PPP2R2C: variants seen among roughly 807,000 people sequenced by gnomAD.
PPP2R2C encodes protein phosphatase 2, regulatory subunit B, gamma.
A neutral mutation model predicts 45.3 loss-of-function variants in PPP2R2C; 10 were observed. That is an observed-to-expected ratio of 0.22 (90% CI 0.14 to 0.37). The LOEUF (loss-of-function observed/expected upper bound fraction) is 0.37. Among genes scored for constraint, PPP2R2C ranks in the 10% least tolerant of loss-of-function variants. The pLI, the probability that PPP2R2C is intolerant of heterozygous loss-of-function variation, is 1.00. For missense variants in PPP2R2C, 308 were observed against 619.7 expected (o/e 0.50, Z 5.34); for synonymous variants, 257 against 245.4 (o/e 1.05, Z -0.44).
intron 1 of PPP2R2C, among the ~76,000 whole-genome samples, chr4:6,458,864 G>T: frequency 6.6e-6 from 1 of 152,104 alleles, no homozygotes; most frequent in East Asian, 1.9e-4. Context: ...TGCTGGGGCT[G>T]GTTTCCCATG....
intron 6 of PPP2R2C, among the ~76,000 whole-genome samples, chr4:6,334,603 G>A (rs528412195): frequency 5.3e-5 from 8 of 152,144 alleles, no homozygotes; most frequent in Non-Finnish European, 1.5e-5. Context: ...GTAGCGTGGG[G>A]ACTAGGACCC....
intron 1 of PPP2R2C, among the ~76,000 whole-genome samples, chr4:6,557,362 T>C (rs559526846): frequency 6.6e-6 from 1 of 151,374 alleles, no homozygotes; most frequent in Non-Finnish European, 1.5e-5. Flanking sequence ...AGTCAGGAGA[T>C]GCTGGGTGCA....
intron 1 of PPP2R2C, among the ~76,000 whole-genome samples, chr4:6,402,872 G>C (rs928564240): frequency 1.3e-5 from 2 of 152,252 alleles, no homozygotes; most frequent in African/African-American, 4.8e-5. Context: ...TGGTGGCAGA[G>C]AGGAGGGAGG....
intron 2 of PPP2R2C, among the ~76,000 whole-genome samples, chr4:6,511,513 GT>G (rs1723484236): frequency 3.6e-5 from 1 of 27,998 alleles, no homozygotes; most frequent in Admixed American, 4.1e-4. Context: ...GATGGTGGTG[GT>G]GGTGGTGGTG....
intron 6 of PPP2R2C, among the ~76,000 whole-genome samples, chr4:6,336,825 TTCCCTCCCTCCCTCCCTGCTTCCA>T (rs1310217470): frequency 4.6e-4 from 1 of 2,166 alleles, no homozygotes; most frequent in Non-Finnish European, 7.5e-4. Context: ...CCCTCCCTCC[TTCCCTCCCTCCCTCCCTGCTTCCA>T]TCCCTCCCTC....
chr4:6,401,028 C>T (rs1033483694), intron 1 of PPP2R2C, among the ~76,000 whole-genome samples: 16 of 152,156 alleles, frequency 1.1e-4, no homozygotes, highest in African/African-American at 3.9e-4. Context: ...CGTGGCAGGA[C>T]ATGGAAACTG....
intron 4 of PPP2R2C, among the ~76,000 whole-genome samples, chr4:6,374,251 C>T (rs753174922): frequency 3.3e-5 from 5 of 152,160 alleles, no homozygotes; most frequent in Admixed American, 2.0e-4. Flanking sequence ...CTTCCGGCAA[C>T]ATTGCTTTCT....
At chr4:6,338,442 C>G (rs1005701138) in intron 6 of PPP2R2C, among the ~76,000 whole-genome samples, 3 of 152,200 alleles carry the variant, frequency 2.0e-5, no homozygotes, top group Non-Finnish European at 2.9e-5. Flanking sequence ...ACCTGGGGAG[C>G]CCAACCAAGG....
At chr4:6,466,634 C>T (rs1721609328) in intron 1 of PPP2R2C, among the ~76,000 whole-genome samples, 1 of 152,186 alleles carries the variant, frequency 6.6e-6, no homozygotes. Context: ...TACTCCCCAT[C>T]ACACTCTCCA....
chr4:6,397,419 G>A (rs916113096), intron 1 of PPP2R2C, among the ~76,000 whole-genome samples: 1 of 152,250 alleles, frequency 6.6e-6, no homozygotes, highest in African/African-American at 2.4e-5. Flanking sequence ...TGCTCCCTGC[G>A]CTGCGGGGGT....
intron 6 of PPP2R2C, among the ~76,000 whole-genome samples, chr4:6,340,443 A>G (rs1733356584): frequency 6.6e-6 from 1 of 151,860 alleles, no homozygotes; most frequent in Non-Finnish European, 1.5e-5. Context: ...CTACTTATTT[A>G]CTAGTCCCCT....
At chr4:6,464,798 A>T (rs1219628790) in intron 1 of PPP2R2C, among the ~76,000 whole-genome samples, 1 of 151,778 alleles carries the variant, frequency 6.6e-6, no homozygotes, top group Non-Finnish European at 1.5e-5. Context: ...GTTAAGGGGG[A>T]ACGATGGGAG....
intron 2 of PPP2R2C, among the ~76,000 whole-genome samples, chr4:6,505,279 C>T (rs1723186809): frequency 6.6e-6 from 1 of 152,156 alleles, no homozygotes; most frequent in African/African-American, 2.4e-5. Flanking sequence ...ATTGCCAGCA[C>T]ACTTGCACTA....
At chr4:6,352,344 G>A (rs1047543198) in intron 5 of PPP2R2C, among the ~76,000 whole-genome samples, 2 of 152,142 alleles carry the variant, frequency 1.3e-5, no homozygotes, top group African/African-American at 4.8e-5. Flanking sequence ...TTCCTTTCCA[G>A]GACTAACCGC....
chr4:6,529,799 T>C (rs1724336254), intron 2 of PPP2R2C, among the ~76,000 whole-genome samples: 1 of 152,152 alleles, frequency 6.6e-6, no homozygotes, highest in Non-Finnish European at 1.5e-5. Context: ...AATAAATGTA[T>C]GTGAAATGAA....
intron 1 of PPP2R2C, chr4:6,384,686 G>A: frequency 2.0e-6 from 2 of 985,416 alleles, no homozygotes; most frequent in Non-Finnish European, 2.4e-6. Context: ...TGGTTACCAG[G>A]CAACACACAC....
At chr4:6,341,450 TC>T (rs1733441950) in intron 6 of PPP2R2C, among the ~76,000 whole-genome samples, 1 of 152,006 alleles carries the variant, frequency 6.6e-6, no homozygotes, top group African/African-American at 2.4e-5. Context: ...GGCATGAGAC[TC>T]TCTGAGGCTC....
At chr4:6,380,959 C>T (rs1395003081) in intron 2 of PPP2R2C, 38 bp downstream of exon 2, 2 of 1,473,266 alleles carry the variant, frequency 1.4e-6, no homozygotes, top group East Asian at 4.9e-5. Flanking sequence ...CTCTGCTCCC[C>T]ACCCCTCCCA....
intron 2 of PPP2R2C, among the ~76,000 whole-genome samples, chr4:6,511,718 T>TGGC (rs1723537471): frequency 1.9e-5 from 1 of 52,436 alleles, no homozygotes; most frequent in Non-Finnish European, 4.6e-5. Context: ...GAGGTGATGG[T>TGGC]GGTGATGGTG....
Sources: gnomAD v4.1 joint callset for allele counts (sites outside exome capture counted in the v4.1 genomes callset) on GRCh38, gnomAD v4.1.1 for gene constraint, MANE v1.5 for transcripts, NCBI Gene and HGNC (gene_info 2026-07-23, HGNC 2026-07-21) for gene names.